The following ARHGAP15 variants were observed in gnomAD, a reference collection of about 807,000 sequenced individuals.
ARHGAP15 encodes Rho GTPase activating protein 15, also known as rho GTPase-activating protein 15.
Under a neutral mutation model 63.7 loss-of-function variants are expected in ARHGAP15, and 51 were observed. The ratio of observed to expected loss-of-function variants is 0.80; its 90% CI spans 0.64 to 1.01. ARHGAP15 has a LOEUF of 1.01. Among genes scored for constraint, ARHGAP15 ranks in the 50% least tolerant of loss-of-function variants. ARHGAP15 has a pLI of 0.00. For missense variants in ARHGAP15, 560 were observed against 564.6 expected (o/e 0.99, Z 0.08); for synonymous variants, 191 against 193.8 (o/e 0.99, Z 0.12).
chr2:143,320,403 TC>T (rs200994141), intron 6 of ARHGAP15, among the ~76,000 whole-genome samples: 1 of 9,004 alleles, frequency 1.1e-4, no homozygotes. Flanking sequence ...AATCAGGACT[TC>T]CCCACCCCCC....
chr2:143,386,864 T>A (rs893119397), intron 6 of ARHGAP15, among the ~76,000 whole-genome samples: 1 of 151,944 alleles, frequency 6.6e-6, no homozygotes, highest in African/African-American at 2.4e-5. Flanking sequence ...GGAACATGGA[T>A]GGAGCTGGGG....
At chr2:143,685,190 G>A (rs985764494) in intron 12 of ARHGAP15, among the ~76,000 whole-genome samples, 35 of 150,954 alleles carry the variant, frequency 2.3e-4, no homozygotes, top group Admixed American at 1.3e-3. Flanking sequence ...GGCTTGTAGG[G>A]TGACCATGGG....
At chr2:143,679,752 G>A (rs1683013422) in intron 12 of ARHGAP15, among the ~76,000 whole-genome samples, 1 of 151,890 alleles carries the variant, frequency 6.6e-6, no homozygotes, top group African/African-American at 2.4e-5. Context: ...CCTCGAAGCT[G>A]TTTTTCTGGA....
At chr2:143,547,581 T>A (rs1012494576) in intron 10 of ARHGAP15, among the ~76,000 whole-genome samples, 1 of 145,036 alleles carries the variant, frequency 6.9e-6, no homozygotes, top group African/African-American at 2.5e-5. Flanking sequence ...AAAAAAAAAA[T>A]TGGTTAGATA....
chr2:143,646,485 G>T (rs562886828), intron 12 of ARHGAP15, among the ~76,000 whole-genome samples: 2 of 151,982 alleles, frequency 1.3e-5, no homozygotes, highest in Admixed American at 1.3e-4. Flanking sequence ...AGGGTGGTCT[G>T]TGAGCCACTG....
At chr2:143,615,772 G>C (rs1382283358) in intron 11 of ARHGAP15, among the ~76,000 whole-genome samples, 2 of 152,174 alleles carry the variant, frequency 1.3e-5, no homozygotes, top group Non-Finnish European at 2.9e-5. Context: ...TTTCAAAAAT[G>C]ACTTTGTCGA....
chr2:143,681,785 G>A (rs1021058157), intron 12 of ARHGAP15, among the ~76,000 whole-genome samples: 6 of 152,144 alleles, frequency 3.9e-5, no homozygotes, highest in African/African-American at 9.6e-5. Flanking sequence ...GATAGAAATC[G>A]AGGTGTTTTG....
At chr2:143,137,483 G>T (rs1168819659) in intron 1 of ARHGAP15, among the ~76,000 whole-genome samples, 1 of 151,996 alleles carries the variant, frequency 6.6e-6, no homozygotes, top group Non-Finnish European at 1.5e-5. Context: ...GACACTATAT[G>T]TACTATATAT....
At chr2:143,491,020 A>C (rs1692560375) in intron 9 of ARHGAP15, among the ~76,000 whole-genome samples, 1 of 152,224 alleles carries the variant, frequency 6.6e-6, no homozygotes, top group Non-Finnish European at 1.5e-5. Flanking sequence ...ATGATTGCTC[A>C]ATGAAAAGAA....
At chr2:143,539,897 T>C (rs940054153) in intron 10 of ARHGAP15, among the ~76,000 whole-genome samples, 9 of 152,094 alleles carry the variant, frequency 5.9e-5, no homozygotes, top group Non-Finnish European at 1.0e-4. Context: ...CTATTAGGTC[T>C]GCTTGGTGCA....
chr2:143,473,435 T>A (rs1691670433), intron 8 of ARHGAP15, among the ~76,000 whole-genome samples: 2 of 152,176 alleles, frequency 1.3e-5, no homozygotes, highest in Non-Finnish European at 2.9e-5. Flanking sequence ...CTAACTGAAC[T>A]GCTTGACAAA....
intron 6 of ARHGAP15, chr2:143,350,861 AAGAAATT>A (rs1176398501): frequency 1.3e-5 from 2 of 148,962 alleles, no homozygotes; most frequent in Non-Finnish European, 3.0e-5. Flanking sequence ...AAAAAAAAAA[AAGAAATT>A]ATATATTTTG....
At chr2:143,527,461 C>T (rs1442879011) in intron 10 of ARHGAP15, among the ~76,000 whole-genome samples, 3 of 146,284 alleles carry the variant, frequency 2.1e-5, no homozygotes, top group African/African-American at 5.0e-5. Flanking sequence ...TTTCAAGTCG[C>T]TTCCTATTTT....
At chr2:143,293,242 G>A (rs1682488000) in intron 6 of ARHGAP15, among the ~76,000 whole-genome samples, 1 of 152,000 alleles carries the variant, frequency 6.6e-6, no homozygotes, top group Admixed American at 6.6e-5. Context: ...CATTCACTGA[G>A]TCATTTATTC....
At chr2:143,474,382 A>G (rs1261815130) in intron 8 of ARHGAP15, among the ~76,000 whole-genome samples, 2 of 152,208 alleles carry the variant, frequency 1.3e-5, no homozygotes, top group Admixed American at 6.5e-5. Context: ...TTTCCATATT[A>G]TATTCAAAAC....
chr2:143,415,863 G>C (rs1688653094), intron 6 of ARHGAP15, among the ~76,000 whole-genome samples: 1 of 152,156 alleles, frequency 6.6e-6, no homozygotes, highest in Admixed American at 6.5e-5. Flanking sequence ...TCCAAGTGAA[G>C]TAACTCCCGA....
At chr2:143,537,122 T>G (rs2105032402) in intron 10 of ARHGAP15, among the ~76,000 whole-genome samples, 1 of 152,352 alleles carries the variant, frequency 6.6e-6, no homozygotes, top group South Asian at 2.1e-4. Flanking sequence ...CTCTGATGGC[T>G]GGCCAGTGAT....
At chr2:143,690,250 G>T (rs2105391419) in intron 12 of ARHGAP15, among the ~76,000 whole-genome samples, 1 of 152,302 alleles carries the variant, frequency 6.6e-6, no homozygotes, top group South Asian at 2.1e-4. Flanking sequence ...CTCAGTCCCT[G>T]TTTAAATTAT....
chr2:143,654,149 G>A (rs1310816011), intron 12 of ARHGAP15, among the ~76,000 whole-genome samples: 1 of 152,022 alleles, frequency 6.6e-6, no homozygotes, highest in Non-Finnish European at 1.5e-5. Flanking sequence ...AGAGAATAGG[G>A]GTATTAGATC....
Sources: allele counts gnomAD v4.1 joint callset (sites outside exome capture counted in the v4.1 genomes callset), GRCh38; gene constraint gnomAD v4.1.1; transcripts MANE v1.5; gene names NCBI Gene and HGNC (gene_info 2026-07-23, HGNC 2026-07-21).